The following BANF2 variants were observed in gnomAD, a reference collection of about 807,000 sequenced individuals.
BANF2 encodes BANF family member 2.
Under a neutral mutation model 8.0 loss-of-function variants are expected in BANF2, and 4 were observed. The observed-to-expected ratio is 0.50, with a 90% CI of 0.25 to 1.14. The LOEUF (loss-of-function observed/expected upper bound fraction) is 1.14, where lower values mean the gene tolerates loss of function less well. BANF2 is among the 50% of genes most tolerant of loss of function. The pLI, the probability that BANF2 is intolerant of heterozygous loss-of-function variation, is 0.16. For synonymous variants in BANF2, 50 were observed against 40.6 expected (o/e 1.23, Z -0.88); for missense variants, 96 against 107.5 (o/e 0.89, Z 0.47).
Position 17,708,046 on chromosome 20 carries a change from C to CAAAAAAAA in BANF2, c.-167+8005_-167+8012dup, listed in dbSNP as rs1491179991. Among the ~76,000 whole-genome samples the CAAAAAAAA allele has an allele frequency of 1.3e-3, 145 of 111,326 alleles. 3 individuals are homozygous for CAAAAAAAA. Among genetic ancestry groups the CAAAAAAAA allele is most frequent in the African/African-American group, 1.8e-3 (52 of 28,698 alleles). 73.0% of individuals were successfully genotyped at this position (111,326 alleles called of 152,430 possible). A position where few individuals can be genotyped will look rare whatever the true frequency, so the allele number is the denominator to read the frequency against. On this transcript the variant is annotated intron_variant, in intron 1 of 3. Coordinates refer to ENST00000246090, the MANE Select transcript of BANF2 (RefSeq NM_178477.5). Reference sequence around the variant, plus strand: ...GTGAAACCCTGTCTCTACTAAAAATCAAAAAAAAAAAAAAAAAAAAACCAA... The same window carrying CAAAAAAAA: ...GTGAAACCCTGTCTCTACTAAAAATCAAAAAAAAAAAAAAAAAAAAAAAAAAAAACCAA...
At chr20:17,734,946 G>A (rs538307540) in intron 3 of BANF2, among the ~76,000 whole-genome samples, 41 of 152,212 alleles carry the variant, frequency 2.7e-4, no homozygotes, top group Non-Finnish European at 4.3e-4. Flanking sequence ...AATTAGCCAG[G>A]CATGGTGGCA....
At chr20:17,702,697 C>A (rs1312215296) in intron 1 of BANF2, among the ~76,000 whole-genome samples, 1 of 152,164 alleles carries the variant, frequency 6.6e-6, no homozygotes, top group Non-Finnish European at 1.5e-5. Context: ...AAAACTGGAA[C>A]CTTCAGAAAT....
chr20:17,707,453 G>A (rs2037499995), intron 1 of BANF2, among the ~76,000 whole-genome samples: 1 of 152,020 alleles, frequency 6.6e-6, no homozygotes, highest in Non-Finnish European at 1.5e-5. Flanking sequence ...CGAGTAGGAA[G>A]ATGGAAGTAC....
rs1326676780 is a variant in BANF2, at chr20:17,693,805, T to A, written c.18+99T>A. The A allele has an allele frequency of 7.2e-6, 10 of 1,390,250 alleles. No individual in the cohort carries two copies. In the East Asian group the frequency reaches 2.2e-4, roughly 31 times the overall value. 86.1% of individuals were successfully genotyped at this position (1,390,250 alleles called of 1,614,324 possible). On this transcript the variant is annotated intron_variant, in intron 1 of 2. Transcript: ENST00000545418. The stretch of plus-strand genomic sequence containing the variant: ...ACCTGGCTAGGAGAGGTGTGTCCAG[T>A]GGGAGGAGGTGCTTTCCCGAATTCT...
chr20:17,722,160 C>T (rs764689336), intron 1 of BANF2, among the ~76,000 whole-genome samples: 41 of 152,148 alleles, frequency 2.7e-4, no homozygotes, highest in Non-Finnish European at 1.0e-4. Flanking sequence ...CTGGAGAGCC[C>T]CAGGAGGGCA....
chr20:17,721,891 G>T (rs192544614), intron 1 of BANF2, among the ~76,000 whole-genome samples: 2,054 of 152,248 alleles, frequency 0.013, 48 homozygotes, highest in African/African-American at 0.047. Flanking sequence ...TAACCTCGAT[G>T]GTATTGACAC....
chr20:17,704,680 C>T (rs2037456139), intron 1 of BANF2, among the ~76,000 whole-genome samples: 1 of 152,164 alleles, frequency 6.6e-6, no homozygotes, highest in African/African-American at 2.4e-5. Flanking sequence ...ATCATTGTGT[C>T]CCTTGTAAAA....
chr20:17,729,068 G>T (rs1448577574), intron 3 of BANF2, among the ~76,000 whole-genome samples: 1 of 152,128 alleles, frequency 6.6e-6, no homozygotes, highest in African/African-American at 2.4e-5. Context: ...CACGTATGTG[G>T]CTAGCTCACT....
chr20:17,733,145 C>A (rs1162440083), intron 3 of BANF2, among the ~76,000 whole-genome samples: 1 of 152,202 alleles, frequency 6.6e-6, no homozygotes, highest in East Asian at 1.9e-4. Context: ...GGCTGCTGAG[C>A]CTGTGGGTAT....
chr20:17,719,852 T>C (rs762471220), intron 1 of BANF2, among the ~76,000 whole-genome samples: 11 of 152,174 alleles, frequency 7.2e-5, no homozygotes, highest in Non-Finnish European at 1.5e-4. Context: ...GCTGCGAGCA[T>C]GTGCCATATG....
intron 3 of BANF2, among the ~76,000 whole-genome samples, chr20:17,729,124 C>A (rs368252243): frequency 3.9e-5 from 6 of 152,132 alleles, no homozygotes; most frequent in African/African-American, 1.4e-4. Context: ...GCGAAAGAGC[C>A]GTAAGGGAGA....
intron 3 of BANF2, among the ~76,000 whole-genome samples, chr20:17,726,410 C>T (rs967947577): frequency 6.6e-6 from 1 of 152,148 alleles, no homozygotes; most frequent in East Asian, 1.9e-4. Context: ...TGGTCTCGAA[C>T]TCCTGGACTC....
At chr20:17,713,880 A>G (rs1302579278) in intron 1 of BANF2, among the ~76,000 whole-genome samples, 3 of 152,036 alleles carry the variant, frequency 2.0e-5, no homozygotes, top group African/African-American at 7.2e-5. Context: ...TAAGATGGTA[A>G]AAATTTAAGT....
intron 1 of BANF2, among the ~76,000 whole-genome samples, chr20:17,707,095 A>T (rs900141149): frequency 2.0e-5 from 3 of 152,148 alleles, no homozygotes; most frequent in African/African-American, 7.2e-5. Context: ...TTAAAGATGA[A>T]AATCCCAGCC....
intron 1 of BANF2, chr20:17,693,824 G>T: frequency 8.4e-7 from 1 of 1,186,820 alleles, no homozygotes. Context: ...GTGCTTTCCC[G>T]AATTCTGAAT....
chr20:17,724,281 T>C (rs555205751), intron 2 of BANF2, among the ~76,000 whole-genome samples: 5 of 152,358 alleles, frequency 3.3e-5, no homozygotes, highest in African/African-American at 1.2e-4. Flanking sequence ...AGGAAATTGA[T>C]GAGCAAGTCC....
At chr20:17,698,724 G>T (rs1329168685), upstream of BANF2, among the ~76,000 whole-genome samples, 1 of 152,224 alleles carries the variant, frequency 6.6e-6, no homozygotes, top group Non-Finnish European at 1.5e-5. Context: ...GAAGTTGTAA[G>T]GCCAAGAGGC....
At chr20:17,714,210 A>AAG (rs2037617811) in intron 1 of BANF2, among the ~76,000 whole-genome samples, 1 of 148,976 alleles carries the variant, frequency 6.7e-6, no homozygotes, top group African/African-American at 2.4e-5. Flanking sequence ...AAAAAAAAAA[A>AAG]AAAAGAAAGA....
chr20:17,722,671 A>G, intron 1 of BANF2, 45 bp from the exon 2 acceptor site: 1 of 939,448 alleles, frequency 1.1e-6, no homozygotes, highest in Non-Finnish European at 1.3e-6. Flanking sequence ...CCACAGAGTC[A>G]GGGGACCCTG....
Sources: allele counts gnomAD v4.1 joint callset (sites outside exome capture counted in the v4.1 genomes callset), GRCh38; gene constraint gnomAD v4.1.1; transcripts MANE v1.5; gene names NCBI Gene and HGNC (gene_info 2026-07-23, HGNC 2026-07-21).